Variants in GULP1 observed in about 807,000 individuals in gnomAD.
The protein encoded by GULP1 is GULP PTB domain containing engulfment adaptor 1, also known as PTB domain-containing engulfment adapter protein 1.
Under a neutral mutation model 40.9 loss-of-function variants are expected in GULP1, and 19 were observed. The observed-to-expected ratio is 0.46, with a 90% CI of 0.32 to 0.68. GULP1 has a LOEUF of 0.68. Ranked by LOEUF, GULP1 falls within the 30% of genes least tolerant of loss-of-function variation. The pLI is 0.03. For synonymous variants in GULP1, 119 were observed against 117.6 expected (o/e 1.01, Z -0.08); for missense variants, 312 against 362.2 (o/e 0.86, Z 1.12).
intron 4 of GULP1, among the ~76,000 whole-genome samples, chr2:188,502,999 G>A (rs904481312): frequency 2.0e-5 from 3 of 151,834 alleles, no homozygotes; most frequent in Non-Finnish European, 4.4e-5. Flanking sequence ...GGTCTAGCTA[G>A]TTCCTCAAGA....
chr2:188,485,811 G>A (rs2061817285), intron 4 of GULP1, among the ~76,000 whole-genome samples: 1 of 152,018 alleles, frequency 6.6e-6, no homozygotes, highest in Non-Finnish European at 1.5e-5. Context: ...GTGTCTGAAA[G>A]AGTGGAATTT....
chr2:188,338,979 G>A (rs2042637679), intron 1 of GULP1, among the ~76,000 whole-genome samples: 1 of 152,066 alleles, frequency 6.6e-6, no homozygotes, highest in Admixed American at 6.6e-5. Context: ...TTATTGACAT[G>A]TTGGGTACAA....
intron 2 of GULP1, among the ~76,000 whole-genome samples, chr2:188,449,741 C>G (rs188286238): frequency 6.6e-6 from 1 of 152,236 alleles, no homozygotes; most frequent in East Asian, 1.9e-4. Flanking sequence ...GGAATCATGC[C>G]TGGAAATAAT....
chr2:188,569,883 C>T, intron 8 of GULP1, 145 bp from the exon 9 acceptor site: 1 of 522,062 alleles, frequency 1.9e-6, no homozygotes, highest in East Asian at 3.4e-5. Context: ...TCCAGCATTT[C>T]CCAAGCTTTA....
intron 7 of GULP1, among the ~76,000 whole-genome samples, chr2:188,546,872 C>T (rs1434638925): frequency 6.6e-6 from 1 of 151,938 alleles, no homozygotes; most frequent in Non-Finnish European, 1.5e-5. Context: ...CAACAGATTT[C>T]ACTACAGACT....
At chr2:188,438,968 C>T (rs926821722) in intron 2 of GULP1, among the ~76,000 whole-genome samples, 11 of 151,812 alleles carry the variant, frequency 7.2e-5, no homozygotes, top group African/African-American at 2.4e-4. Flanking sequence ...AGTTTTGGAA[C>T]CAATCCTTTC....
intron 2 of GULP1, among the ~76,000 whole-genome samples, chr2:188,443,743 A>G (rs1304863605): frequency 2.0e-5 from 3 of 150,614 alleles, no homozygotes; most frequent in Non-Finnish European, 4.4e-5. Context: ...CTGGAGTGCA[A>G]TGGCACGATC....
chr2:188,327,300 A>G (rs1041368134), intron 1 of GULP1, among the ~76,000 whole-genome samples: 1 of 152,170 alleles, frequency 6.6e-6, no homozygotes, highest in African/African-American at 2.4e-5. Context: ...AGTTTTCATC[A>G]TTTTGGACAG....
At chr2:188,560,652 G>A (rs1242440810) in intron 7 of GULP1, among the ~76,000 whole-genome samples, 1 of 152,198 alleles carries the variant, frequency 6.6e-6, no homozygotes, top group African/African-American at 2.4e-5. Flanking sequence ...AATTTATAAA[G>A]AGAGAAGTTT....
At chr2:188,470,188 G>A (rs1464326233) in intron 2 of GULP1, among the ~76,000 whole-genome samples, 2 of 152,016 alleles carry the variant, frequency 1.3e-5, no homozygotes, top group Non-Finnish European at 2.9e-5. Context: ...TCAGGTCCCA[G>A]GGTTTTCTTT....
chr2:188,381,153 C>G (rs998018001), intron 1 of GULP1, among the ~76,000 whole-genome samples: 3 of 152,050 alleles, frequency 2.0e-5, no homozygotes, highest in Non-Finnish European at 4.4e-5. Context: ...CAAGAATATT[C>G]AAAGTGCTCT....
intron 1 of GULP1, among the ~76,000 whole-genome samples, chr2:188,349,095 G>A (rs1409456623): frequency 6.6e-6 from 1 of 152,126 alleles, no homozygotes; most frequent in African/African-American, 2.4e-5. Context: ...CACAATCCAA[G>A]CAATGTCTCT....
intron 2 of GULP1, among the ~76,000 whole-genome samples, chr2:188,406,411 C>T (rs1023642908): frequency 2.6e-5 from 4 of 152,050 alleles, no homozygotes; most frequent in Non-Finnish European, 2.9e-5. Context: ...CAACACATGA[C>T]TGTAATTGTT....
At chr2:188,412,937 C>T (rs1046549455) in intron 2 of GULP1, among the ~76,000 whole-genome samples, 1 of 152,004 alleles carries the variant, frequency 6.6e-6, no homozygotes, top group Non-Finnish European at 1.5e-5. Flanking sequence ...AAATAACTTA[C>T]CAAATTTTTT....
chr2:188,552,934 T>A lies in GULP1; in HGVS notation c.399+11616T>A, dbSNP rs910758552. ...CTATATATATACGTATATATATGCATGTGTATACTTATTGCGCTATTGTAA... is the reference window on the plus strand; with the variant it reads ...CTATATATATACGTATATATATGCAAGTGTATACTTATTGCGCTATTGTAA... On this transcript the variant is annotated intron_variant, in intron 7 of 11. Coordinates refer to ENST00000409830, the MANE Select transcript of GULP1 (RefSeq NM_016315.4). Among the ~76,000 whole-genome samples the A allele has an allele frequency of 3.3e-5, 5 of 151,222 alleles. No individual in the cohort carries two copies. The East Asian group carries it at 9.7e-4, about 29-fold the overall frequency.
At chr2:188,294,684 A>G (rs1271695737) in intron 1 of GULP1, among the ~76,000 whole-genome samples, 1 of 152,172 alleles carries the variant, frequency 6.6e-6, no homozygotes, top group Non-Finnish European at 1.5e-5. Flanking sequence ...TCTGAGACTC[A>G]CTTTGTGAAT....
At chr2:188,533,528 T>G (rs1461057169) in intron 6 of GULP1, among the ~76,000 whole-genome samples, 1 of 152,140 alleles carries the variant, frequency 6.6e-6, no homozygotes, top group African/African-American at 2.4e-5. Flanking sequence ...ATAAGAATCC[T>G]GGAAGAAAAC....
At chr2:188,506,146 C>T (rs1306050015) in intron 4 of GULP1, among the ~76,000 whole-genome samples, 1 of 151,764 alleles carries the variant, frequency 6.6e-6, no homozygotes, top group Non-Finnish European at 1.5e-5. Flanking sequence ...AAGTAGTGCC[C>T]TATTTATACA....
chr2:188,548,785 AT>A (rs1692639418), intron 7 of GULP1, among the ~76,000 whole-genome samples: 1 of 151,970 alleles, frequency 6.6e-6, no homozygotes, highest in Non-Finnish European at 1.5e-5. Flanking sequence ...TGCCCAGCTA[AT>A]GTTTGTCAAT....
Sources: gnomAD v4.1 joint callset for allele counts (sites outside exome capture counted in the v4.1 genomes callset) on GRCh38, gnomAD v4.1.1 for gene constraint, MANE v1.5 for transcripts, NCBI Gene and HGNC (gene_info 2026-07-23, HGNC 2026-07-21) for gene names.